VEPH1: variants seen among roughly 807,000 people sequenced by gnomAD.
VEPH1 encodes ventricular zone expressed PH domain containing 1.
In VEPH1, 80 loss-of-function variants were observed where a neutral mutation model predicts 85.2. The ratio of observed to expected loss-of-function variants is 0.94; its 90% CI spans 0.78 to 1.13. VEPH1 has a LOEUF of 1.13. VEPH1 is among the 50% of genes most tolerant of loss of function. The probability of loss-of-function intolerance (pLI) is 0.00; values close to 1 mark genes in which losing one functional copy is unlikely to be tolerated. For missense variants in VEPH1, 955 were observed against 980.5 expected, an observed-to-expected ratio of 0.97 and a Z score of 0.35; for synonymous variants, 297 against 348.0, an observed-to-expected ratio of 0.85 and a Z score of 1.63.
At chr3:157,318,096 G>C (rs1720942319) in intron 9 of VEPH1, among the ~76,000 whole-genome samples, 1 of 152,166 alleles carries the variant, frequency 6.6e-6, no homozygotes, top group African/African-American at 2.4e-5. Context: ...TGTCTGGAGA[G>C]ATGAATGATG....
intron 9 of VEPH1, among the ~76,000 whole-genome samples, chr3:157,349,198 A>G (rs758199417): frequency 1.1e-4 from 17 of 152,258 alleles, no homozygotes; most frequent in African/African-American, 2.2e-4. Flanking sequence ...ATTAAGTGAT[A>G]TTTATTGCAG....
chr3:157,399,788 G>C (rs1405532293), intron 6 of VEPH1, among the ~76,000 whole-genome samples: 1 of 152,050 alleles, frequency 6.6e-6, no homozygotes, highest in Non-Finnish European at 1.5e-5. Context: ...AGAACATCAA[G>C]AGGCAAGCTG....
chr3:157,441,322 A>G (rs1270128603), intron 4 of VEPH1, among the ~76,000 whole-genome samples: 1 of 152,250 alleles, frequency 6.6e-6, no homozygotes, highest in Admixed American at 6.5e-5. Flanking sequence ...TCTGTAAAAT[A>G]GGAATGTAAA....
intron 4 of VEPH1, chr3:157,442,485 G>A (rs1185013219): frequency 6.2e-7 from 1 of 1,614,182 alleles, no homozygotes; most frequent in South Asian, 1.1e-5. Flanking sequence ...AGCCACAGAT[G>A]TATTAAACAA....
At chr3:157,460,034 T>C (rs1475229843) in intron 4 of VEPH1, 147 bp downstream of exon 4, 2 of 1,572,232 alleles carry the variant, frequency 1.3e-6, no homozygotes, top group South Asian at 1.1e-5. Context: ...ACCTTTTGCA[T>C]GTTCACAGGT....
chr3:157,351,087 A>G (rs1724818159), intron 9 of VEPH1, among the ~76,000 whole-genome samples: 1 of 151,930 alleles, frequency 6.6e-6, no homozygotes, highest in Non-Finnish European at 1.5e-5. Context: ...TTGCAGCACT[A>G]TTCACAATAG....
chr3:157,488,615 G>C (rs1738897298), intron 2 of VEPH1, among the ~76,000 whole-genome samples: 1 of 141,486 alleles, frequency 7.1e-6, no homozygotes. Flanking sequence ...TTTACTTTCT[G>C]TCTGCACTCA....
intron 9 of VEPH1, among the ~76,000 whole-genome samples, chr3:157,323,639 G>A (rs1458194947): frequency 1.3e-5 from 2 of 152,154 alleles, no homozygotes; most frequent in Middle Eastern, 3.2e-3. Context: ...CCAGCCAGTT[G>A]TCAAATGGGC....
intron 13 of VEPH1, among the ~76,000 whole-genome samples, chr3:157,263,412 T>G (rs1184699872): frequency 1.3e-5 from 2 of 152,174 alleles, no homozygotes; most frequent in Non-Finnish European, 2.9e-5. Flanking sequence ...AGGTCATTAT[T>G]TGAGTTCAGA....
chr3:157,469,106 T>C (rs1736675656), intron 3 of VEPH1, among the ~76,000 whole-genome samples: 1 of 152,180 alleles, frequency 6.6e-6, no homozygotes, highest in African/African-American at 2.4e-5. Flanking sequence ...AGATAACCAA[T>C]GAAGAGCAAA....
At chr3:157,461,309 T>C (rs1210425351) in intron 3 of VEPH1, among the ~76,000 whole-genome samples, 1 of 152,166 alleles carries the variant, frequency 6.6e-6, no homozygotes, top group Non-Finnish European at 1.5e-5. Flanking sequence ...TAAAAATGAA[T>C]GGTACATATT....
intron 11 of VEPH1, among the ~76,000 whole-genome samples, chr3:157,289,428 A>C (rs1404478117): frequency 1.3e-5 from 2 of 152,234 alleles, no homozygotes; most frequent in Non-Finnish European, 1.5e-5. Flanking sequence ...CAGAGGATTT[A>C]GGTGTTGTGC....
At chr3:157,440,918 A>G (rs1407763351) in intron 4 of VEPH1, among the ~76,000 whole-genome samples, 1 of 152,210 alleles carries the variant, frequency 6.6e-6, no homozygotes, top group African/African-American at 2.4e-5. Flanking sequence ...CTTCTCTTAA[A>G]GATTTTCAAT....
rs1342419745 is a variant in VEPH1 at position 157,461,695 on chromosome 3, T to C, written c.355-1340A>G. ...ACATACAATTCCTGAGCAATAGAAA[T>C]GGGGCAATTGGGTCAATTAGATATT... On this transcript the variant is annotated intron_variant, in intron 3 of 13. Coordinates refer to ENST00000362010, the MANE Select transcript of VEPH1 (RefSeq NM_001167912.2). Among the ~76,000 whole-genome samples, 4 of 152,028 alleles carry C rather than the reference T, an allele frequency of 2.6e-5. No homozygotes were observed. The East Asian group carries it at 7.7e-4, about 29-fold the overall frequency.
At chr3:157,303,658 T>C (rs1319048684) in intron 11 of VEPH1, among the ~76,000 whole-genome samples, 4 of 152,194 alleles carry the variant, frequency 2.6e-5, no homozygotes. Flanking sequence ...ACCTTCAATC[T>C]GCCCTCCAGG....
chr3:157,322,612 C>T (rs894921736), intron 9 of VEPH1, among the ~76,000 whole-genome samples: 16 of 152,152 alleles, frequency 1.1e-4, no homozygotes, highest in African/African-American at 3.9e-4. Context: ...AGAAATGTGT[C>T]TGTGAGGGCT....
intron 12 of VEPH1, among the ~76,000 whole-genome samples, chr3:157,267,102 C>CTTTTTTTTTTTTTTT (rs10537483): frequency 2.1e-4 from 26 of 124,674 alleles, no homozygotes; most frequent in Non-Finnish European, 2.8e-4. Context: ...TCTTTTTTTT[C>CTTTTTTTTTTTTTTT]TTTTTTTTTT....
intron 6 of VEPH1, chr3:157,409,963 ATATGCTCTGATCAGTCAG>A (rs984833446): frequency 5.1e-6 from 5 of 978,162 alleles, no homozygotes; most frequent in Middle Eastern, 5.2e-4. Context: ...ATTGTATATT[ATATGCTCTGATCAGTCAG>A]TATGCTCTGA....
chr3:157,484,216 A>C (rs1291279082), intron 2 of VEPH1, among the ~76,000 whole-genome samples: 1 of 152,212 alleles, frequency 6.6e-6, no homozygotes, highest in Non-Finnish European at 1.5e-5. Context: ...AATTATTCAA[A>C]ATTAAGGGCA....
Sources: gnomAD v4.1 joint callset for allele counts (sites outside exome capture counted in the v4.1 genomes callset) on GRCh38, gnomAD v4.1.1 for gene constraint, MANE v1.5 for transcripts, NCBI Gene and HGNC (gene_info 2026-07-23, HGNC 2026-07-21) for gene names.